Variants in AMBRA1 observed in about 807,000 individuals in gnomAD.
AMBRA1 encodes the protein activating molecule in BECN1-regulated autophagy protein 1.
In AMBRA1, 47 loss-of-function variants were observed where a neutral mutation model predicts 125.4. The observed-to-expected ratio is 0.37, with a 90% CI of 0.30 to 0.48. The LOEUF (loss-of-function observed/expected upper bound fraction) is 0.48, where lower values mean the gene tolerates loss of function less well. Ranked by LOEUF, AMBRA1 falls within the 20% of genes least tolerant of loss-of-function variation. AMBRA1 has a pLI of 0.99. For missense variants in AMBRA1, 1,331 were observed against 1,693.4 expected, an observed-to-expected ratio of 0.79 and a Z score of 3.76; for synonymous variants, 626 against 655.5, an observed-to-expected ratio of 0.95 and a Z score of 0.69.
At chr11:46,569,440 A>AAAAATATATATAT (rs1477022124) in intron 1 of AMBRA1, among the ~76,000 whole-genome samples, 13 of 131,380 alleles carry the variant, frequency 9.9e-5, no homozygotes, top group African/African-American at 3.8e-4. Context: ...AAAAAAAAAA[A>AAAAATATATATAT]ATATATATAT....
intron 9 of AMBRA1, among the ~76,000 whole-genome samples, chr11:46,507,159 A>C (rs1951068527): frequency 8.0e-6 from 1 of 125,568 alleles, no homozygotes; most frequent in Non-Finnish European, 1.6e-5. Flanking sequence ...CCTAGGCAAC[A>C]CAGCAAGACT....
intron 11 of AMBRA1, among the ~76,000 whole-genome samples, chr11:46,483,462 G>C (rs1261302631): frequency 1.3e-5 from 2 of 152,190 alleles, no homozygotes; most frequent in Admixed American, 1.3e-4. Flanking sequence ...AACAACCACA[G>C]GTTGGCTCCA....
intron 7 of AMBRA1, among the ~76,000 whole-genome samples, chr11:46,523,956 C>A (rs1951864640): frequency 6.6e-6 from 1 of 152,156 alleles, no homozygotes; most frequent in Non-Finnish European, 1.5e-5. Context: ...GCAACCTTCA[C>A]CTCCTGGGTT....
intron 7 of AMBRA1, among the ~76,000 whole-genome samples, chr11:46,541,191 T>C (rs1591068348): frequency 1.3e-5 from 2 of 152,158 alleles, no homozygotes; most frequent in South Asian, 4.1e-4. Context: ...ACATGGAACA[T>C]ATGGTGGGCG....
intron 11 of AMBRA1, among the ~76,000 whole-genome samples, chr11:46,468,686 C>T (rs1272304559): frequency 6.6e-6 from 1 of 151,528 alleles, no homozygotes; most frequent in Non-Finnish European, 1.5e-5. Flanking sequence ...GTGGCGGGCG[C>T]CTGTAGTCCC....
At chr11:46,573,277 CACCTG>C (rs2043830995) in intron 1 of AMBRA1, among the ~76,000 whole-genome samples, 1 of 151,758 alleles carries the variant, frequency 6.6e-6, no homozygotes, top group South Asian at 2.1e-4. Flanking sequence ...TGGTGGCACG[CACCTG>C]TAATCCCAGC....
chr11:46,555,855 T>A (rs1167284291), intron 1 of AMBRA1, among the ~76,000 whole-genome samples: 1 of 152,238 alleles, frequency 6.6e-6, no homozygotes, highest in Non-Finnish European at 1.5e-5. Flanking sequence ...CCTATAGACC[T>A]GCAAGAAGCT....
intron 1 of AMBRA1, among the ~76,000 whole-genome samples, chr11:46,566,456 C>T (rs1300712769): frequency 6.6e-6 from 1 of 151,832 alleles, no homozygotes; most frequent in Admixed American, 6.6e-5. Context: ...GATAATATAA[C>T]TTGGATGAAT....
chr11:46,488,583 GA>G (rs1418408258), intron 11 of AMBRA1, among the ~76,000 whole-genome samples: 1 of 151,794 alleles, frequency 6.6e-6, no homozygotes, highest in Non-Finnish European at 1.5e-5. Context: ...TACAAAGCTG[GA>G]ACAATAATAT....
intron 11 of AMBRA1, among the ~76,000 whole-genome samples, chr11:46,481,487 C>T (rs544126236): frequency 6.6e-6 from 1 of 152,242 alleles, no homozygotes; most frequent in African/African-American, 2.4e-5. Flanking sequence ...CCTCAGCCTC[C>T]TGAGTAGCTG....
chr11:46,498,908 T>A (rs1392476664), intron 9 of AMBRA1, among the ~76,000 whole-genome samples: 1 of 152,230 alleles, frequency 6.6e-6, no homozygotes, highest in Non-Finnish European at 1.5e-5. Context: ...TAGCTGGTAT[T>A]CCTGTCCCTG....
intron 14 of AMBRA1, chr11:46,428,649 A>G (rs1483871590): frequency 6.3e-7 from 1 of 1,595,020 alleles, no homozygotes; most frequent in African/African-American, 1.3e-5. Flanking sequence ...AATCCTCTCC[A>G]ATTTTACTGA....
chr11:46,405,814 G>A (rs1254349699), intron 17 of AMBRA1, among the ~76,000 whole-genome samples: 4 of 150,356 alleles, frequency 2.7e-5, no homozygotes, highest in South Asian at 4.2e-4. Context: ...CACTGCAGTC[G>A]CCACCTTCCA....
At chr11:46,517,083 G>A (rs1299853028) in intron 7 of AMBRA1, among the ~76,000 whole-genome samples, 1 of 152,034 alleles carries the variant, frequency 6.6e-6, no homozygotes, top group African/African-American at 2.4e-5. Flanking sequence ...GGACAGCAAG[G>A]GGGAAATATT....
At chr11:46,497,051 CA>C (rs1950658354) in intron 9 of AMBRA1, among the ~76,000 whole-genome samples, 1 of 151,862 alleles carries the variant, frequency 6.6e-6, no homozygotes. Context: ...GCGGAGGTTG[CA>C]GTGAGCCAAG....
chr11:46,468,278 G>A (rs1254076962), intron 11 of AMBRA1, among the ~76,000 whole-genome samples: 16 of 151,612 alleles, frequency 1.1e-4, no homozygotes, highest in Admixed American at 1.1e-3. Context: ...GGCTCACACT[G>A]GTAGTCCCAA....
At chr11:46,481,569 G>T (rs912870043) in intron 11 of AMBRA1, among the ~76,000 whole-genome samples, 2 of 152,072 alleles carry the variant, frequency 1.3e-5, no homozygotes, top group Non-Finnish European at 2.9e-5. Context: ...CTCCATGTTG[G>T]TCAGGCTGGT....
intron 7 of AMBRA1, among the ~76,000 whole-genome samples, chr11:46,533,411 T>G (rs1334653491): frequency 6.6e-6 from 1 of 152,224 alleles, no homozygotes; most frequent in Non-Finnish European, 1.5e-5. Flanking sequence ...ATCTCTTGTT[T>G]ACTATTAATT....
intron 12 of AMBRA1, among the ~76,000 whole-genome samples, chr11:46,441,450 G>A (rs1256694304): frequency 1.3e-5 from 2 of 151,974 alleles, no homozygotes; most frequent in Non-Finnish European, 2.9e-5. Flanking sequence ...GGGGTGCGGA[G>A]ATTGCAGTAC....
Sources: gnomAD v4.1 joint callset for allele counts (sites outside exome capture counted in the v4.1 genomes callset) on GRCh38, gnomAD v4.1.1 for gene constraint, MANE v1.5 for transcripts, NCBI Gene and HGNC (gene_info 2026-07-23, HGNC 2026-07-21) for gene names.